FRMD4A: variants seen among roughly 807,000 people sequenced by gnomAD.
The protein encoded by FRMD4A is FERM domain containing 4A, also known as FERM domain-containing protein 4A.
In FRMD4A, 29 loss-of-function variants were observed where a neutral mutation model predicts 129.1. The observed-to-expected ratio is 0.22, with a 90% confidence interval of 0.17 to 0.31. FRMD4A has a LOEUF of 0.31. FRMD4A is among the 10% of genes least tolerant of loss of function. The pLI is 1.00. For missense variants in FRMD4A, 1,272 were observed against 1,375.8 expected (o/e 0.92, Z 1.19); for synonymous variants, 634 against 571.6 (o/e 1.11, Z -1.56).
At chr10:13,920,142 AAG>A (rs2095055597) in intron 2 of FRMD4A, among the ~76,000 whole-genome samples, 1 of 152,222 alleles carries the variant, frequency 6.6e-6, no homozygotes, top group African/African-American at 2.4e-5. Flanking sequence ...AGCAACTGAG[AAG>A]AGTCATCAGG....
chr10:13,896,561 C>T (rs960166791), intron 2 of FRMD4A, among the ~76,000 whole-genome samples: 1 of 151,960 alleles, frequency 6.6e-6, no homozygotes, highest in Non-Finnish European at 1.5e-5. Context: ...GGACAGATAC[C>T]TAATGCATGT....
At chr10:13,875,360 C>T (rs1258093421) in intron 2 of FRMD4A, among the ~76,000 whole-genome samples, 1 of 152,142 alleles carries the variant, frequency 6.6e-6, no homozygotes, top group African/African-American at 2.4e-5. Flanking sequence ...TGGAAAACTG[C>T]AAAGTGATAT....
At chr10:13,657,699 T>A (rs532109944) in intron 21 of FRMD4A, among the ~76,000 whole-genome samples, 177 bp from the exon 22 acceptor site, 1 of 151,900 alleles carries the variant, frequency 6.6e-6, no homozygotes, top group South Asian at 2.1e-4. Flanking sequence ...GAACTGCCCA[T>A]TGCGGGAGGT....
chr10:13,929,411 G>A (rs1036797515), intron 2 of FRMD4A, among the ~76,000 whole-genome samples: 2 of 152,144 alleles, frequency 1.3e-5, no homozygotes, highest in Admixed American at 6.5e-5. Flanking sequence ...CGCCTACTAC[G>A]CCCTGGGTCA....
At chr10:13,846,445 G>C (rs893758372) in intron 3 of FRMD4A, among the ~76,000 whole-genome samples, 6 of 152,182 alleles carry the variant, frequency 3.9e-5, no homozygotes, top group African/African-American at 9.7e-5. Flanking sequence ...AGTGGGCTTG[G>C]GGGTGAAGGT....
intron 2 of FRMD4A, among the ~76,000 whole-genome samples, chr10:14,064,965 A>G (rs940377536): frequency 6.6e-6 from 1 of 152,176 alleles, no homozygotes; most frequent in Non-Finnish European, 1.5e-5. Context: ...TGCAGTGGTA[A>G]TACTATATTA....
intron 14 of FRMD4A, among the ~76,000 whole-genome samples, chr10:13,695,211 A>T (rs1429252353): frequency 6.6e-6 from 1 of 151,194 alleles, no homozygotes; most frequent in Non-Finnish European, 1.5e-5. Flanking sequence ...CCCAGTCTTG[A>T]CTCTCTGCAA....
chr10:13,803,432 A>T lies in FRMD4A; in HGVS notation c.207-6844T>A, dbSNP rs1335727558. ...CTGCAGCCTTGAACCCCTGGGCTCA[A>T]GTGATCTTCCCATCTCAGACTCCTG... On this transcript the variant is annotated intron_variant, in intron 4 of 24. Transcript: ENST00000357447. Among the ~76,000 whole-genome samples the T allele has an allele frequency of 2.0e-5, 3 of 152,276 alleles. No homozygotes were observed. The East Asian group carries it at 5.8e-4, about 29-fold the overall frequency.
intron 2 of FRMD4A, among the ~76,000 whole-genome samples, chr10:14,078,335 G>A (rs12257760): frequency 0.15 from 22,198 of 152,200 alleles, 2,517 homozygotes; most frequent in African/African-American, 0.31. Context: ...CAACCAAATG[G>A]GGTAGAACCC....
rs2092127221 is a variant in FRMD4A, at chr10:13,762,824, C to T, written c.385-144G>A. 1.4e-5 allele frequency: 9 copies of T among 627,342 alleles called. No homozygotes were observed. In the East Asian group the frequency reaches 1.9e-4, roughly 14 times the overall value. 38.9% of individuals were successfully genotyped at this position (627,342 alleles called of 1,614,324 possible). A position where few individuals can be genotyped will look rare whatever the true frequency, so the allele number is the denominator to read the frequency against. Reference sequence around the variant, plus strand: ...GCCTGGGCAACATAATGAGATGCTGCCTCTACAGAAAATTTAAAAATTAGC... The same window carrying T: ...GCCTGGGCAACATAATGAGATGCTGTCTCTACAGAAAATTTAAAAATTAGC... On this transcript the variant is annotated intron_variant, in intron 6 of 24. Transcript: ENST00000357447.
intron 6 of FRMD4A, among the ~76,000 whole-genome samples, chr10:13,775,282 G>T (rs1396929314): frequency 6.6e-6 from 1 of 152,174 alleles, no homozygotes; most frequent in African/African-American, 2.4e-5. Context: ...CCACATCAGG[G>T]CACCCATCCT....
intron 2 of FRMD4A, among the ~76,000 whole-genome samples, chr10:13,958,619 C>A (rs988662983): frequency 6.9e-6 from 1 of 144,686 alleles, no homozygotes; most frequent in East Asian, 2.0e-4. Context: ...TTTCCCCGCT[C>A]TTCTTGCCCA....
At chr10:14,136,588 G>T (rs760027357) in intron 2 of FRMD4A, among the ~76,000 whole-genome samples, 3 of 152,044 alleles carry the variant, frequency 2.0e-5, no homozygotes, top group Non-Finnish European at 2.9e-5. Flanking sequence ...TGTACTCAGT[G>T]CAAGGCTGAT....
chr10:14,204,340 A>G (rs1842721396), intron 2 of FRMD4A, among the ~76,000 whole-genome samples: 1 of 152,114 alleles, frequency 6.6e-6, no homozygotes, highest in South Asian at 2.1e-4. Context: ...GAGGTAGGAG[A>G]ATCACTGAGC....
intron 6 of FRMD4A, among the ~76,000 whole-genome samples, chr10:13,770,280 G>GT (rs2092418778): frequency 6.6e-6 from 1 of 152,076 alleles, no homozygotes; most frequent in South Asian, 2.1e-4. Flanking sequence ...GTCACTTCAT[G>GT]TTTGTCTAAT....
rs757103486 is a variant in FRMD4A at position 13,737,845 on chromosome 10, T to C, written c.758A>G (p.Lys253Arg). The C allele has an allele frequency of 6.4e-6, 10 of 1,568,918 alleles. No individual in the cohort carries two copies. The South Asian group carries it at 1.1e-4, about 17-fold the overall frequency. ...ACCCAAGCAGGAGACCAGCCTTACC[T>C]TTCTTGGCTTCACTTTATCATGGTA... ...YDYHDKVKPR[K>R]IFQWRQLENL... Residue 253 changes from lysine to arginine, a missense_variant and splice_region_variant, in exon 12 of 25, where the codon AAG (lysine) becomes AGG (arginine). Physicochemically the swap from Lys to Arg is conservative, Grantham distance 26 (BLOSUM62 2). This residue lies in a region of FRMD4A where 300 missense variants were observed against 483.6 expected (regional missense o/e 0.62). Coordinates refer to ENST00000357447, the MANE Select transcript of FRMD4A (RefSeq NM_018027.5).
chr10:13,823,253 G>T lies in FRMD4A; in HGVS notation c.112-12345C>A, dbSNP rs989077897. Among the ~76,000 whole-genome samples, 2 of 152,272 alleles carry T rather than the reference G, an allele frequency of 1.3e-5. 1 individual carries two copies. Among genetic ancestry groups the T allele is most frequent in the South Asian group, 4.1e-4 (2 of 4,822 alleles). On this transcript the variant is annotated intron_variant, in intron 3 of 24. Coordinates refer to ENST00000357447, the MANE Select transcript of FRMD4A (RefSeq NM_018027.5). ...CCTGCTCTATTCATGATCCCCGGGG[G>T]ACTCTGGGAGGCGGGCAGGTGTTCA...
intron 2 of FRMD4A, among the ~76,000 whole-genome samples, chr10:14,301,583 C>T (rs923871177): frequency 6.6e-6 from 1 of 152,140 alleles, no homozygotes; most frequent in African/African-American, 2.4e-5. Flanking sequence ...AAATATTGGC[C>T]ATTACAAGAA....
intron 2 of FRMD4A, among the ~76,000 whole-genome samples, chr10:13,987,638 C>T (rs1287817418): frequency 6.6e-6 from 1 of 152,122 alleles, no homozygotes; most frequent in African/African-American, 2.4e-5. Context: ...CATTTTGACT[C>T]GTTATAGAAA....
Sources: gnomAD v4.1 joint callset for allele counts (sites outside exome capture counted in the v4.1 genomes callset) on GRCh38, gnomAD v4.1.1 for gene constraint, gnomAD v4.1.1 regional missense constraint, MANE v1.5 for transcripts, NCBI Gene and HGNC (gene_info 2026-07-23, HGNC 2026-07-21) for gene names.